Variants in POU3F3 observed in about 807,000 individuals in gnomAD.
POU3F3 encodes POU domain, class 3, transcription factor 3.
Under a neutral mutation model 8.6 loss-of-function variants are expected in POU3F3, and 1 was observed. The observed-to-expected ratio is 0.12, with a 90% confidence interval of 0.04 to 0.55. The LOEUF is 0.55. POU3F3 is among the 20% of genes least tolerant of loss of function. The pLI is 0.91. For synonymous variants in POU3F3, 418 were observed against 327.4 expected, an observed-to-expected ratio of 1.28 and a Z score of -2.99; for missense variants, 577 against 690.7, an observed-to-expected ratio of 0.84 and a Z score of 1.84.
At chr2:104,911,587 A>G in the POU3F3 span, among the ~76,000 whole-genome samples, 1 of 152,182 alleles carries the variant, frequency 6.6e-6, no homozygotes, top group Non-Finnish European at 1.5e-5. Context: ...AGCATCTCCC[A>G]GCAGGTTCAT....
At chr2:104,894,095 G>A in the POU3F3 span, among the ~76,000 whole-genome samples, 1 of 152,154 alleles carries the variant, frequency 6.6e-6, no homozygotes. Context: ...TCAGCTCCAT[G>A]GGCTTGGCCC....
the POU3F3 span, among the ~76,000 whole-genome samples, chr2:104,873,695 A>C: frequency 2.0e-4 from 31 of 152,184 alleles, no homozygotes; most frequent in Admixed American, 1.3e-4. Flanking sequence ...TGGGCGGAGG[A>C]GATCCTCTCT....
chr2:104,902,705 G>A, the POU3F3 span, among the ~76,000 whole-genome samples: 128 of 152,216 alleles, frequency 8.4e-4, no homozygotes, highest in Non-Finnish European at 7.9e-4. Context: ...GCAATCTGAA[G>A]AAATGTTAAT....
At chr2:104,911,290 T>C in the POU3F3 span, among the ~76,000 whole-genome samples, 103 of 151,738 alleles carry the variant, frequency 6.8e-4, no homozygotes, top group African/African-American at 2.3e-3. Context: ...GGCAGGCACC[T>C]GTAATCCCAG....
chr2:104,855,650 G>T lies in POU3F3; in HGVS notation c.140G>T (p.Gly47Val). 1.0e-6 allele frequency: 1 copy of T among 1,003,898 alleles called. No individual in the cohort carries two copies. Among genetic ancestry groups the T allele is most frequent in the Non-Finnish European group, 1.2e-6 (1 of 841,746 alleles). The allele number at this position is 1,003,898 out of a possible 1,614,324, so 62.2% of individuals were successfully genotyped here. A position where few individuals can be genotyped will look rare whatever the true frequency, so the allele number is the denominator to read the frequency against. Reference sequence around the variant, plus strand: ...GGCGGCGGGGGCGGCGCAGGGGGCGGGGGCGGCGGCATGCAGCCGGGCAGC... The same window carrying T: ...GGCGGCGGGGGCGGCGCAGGGGGCGTGGGCGGCGGCATGCAGCCGGGCAGC... ...GGGGGGGAGGGGGGMQPGSAA... is the reference protein window; with the variant it reads ...GGGGGGGAGGVGGGMQPGSAA... Residue 47 changes from glycine to valine, a missense_variant, in exon 1 of 1, where the codon GGG (glycine) becomes GTG (valine). This residue lies in a region of POU3F3 where 484 missense variants were observed against 422.6 expected (regional missense o/e 1.15). Coordinates refer to ENST00000361360, the MANE Select transcript of POU3F3 (RefSeq NM_006236.3).
At chr2:104,899,001 A>T in the POU3F3 span, among the ~76,000 whole-genome samples, 1 of 152,248 alleles carries the variant, frequency 6.6e-6, no homozygotes, top group African/African-American at 2.4e-5. Flanking sequence ...GAAGGAGGCC[A>T]GAGAGTATTC....
Position 104,855,905 on chromosome 2 carries a change from G to GC in POU3F3, c.400dup (p.Gln134ProfsTer506). On this transcript the variant is annotated frameshift_variant, in exon 1 of 1. Transcript: ENST00000361360. LOFTEE classifies it low-confidence loss of function (END_TRUNC). ...GGCAGCGCCGTGGGCATGGCTGGCA[G>GC]CCCCCAGCAGCCACCGCAGCCGCCG... 1 of 1,058,676 alleles carries GC rather than the reference G, an allele frequency of 9.4e-7. No homozygotes were observed. Among genetic ancestry groups the GC allele is most frequent in the Non-Finnish European group, 1.1e-6 (1 of 880,320 alleles). 65.6% of individuals were successfully genotyped at this position (1,058,676 alleles called of 1,614,324 possible).
the POU3F3 span, among the ~76,000 whole-genome samples, chr2:104,902,566 C>G: frequency 6.6e-6 from 1 of 152,134 alleles, no homozygotes. Flanking sequence ...ACTGTACAGG[C>G]TTTGCAGTTG....
At chr2:104,861,488 T>G (rs190698368), downstream of POU3F3, among the ~76,000 whole-genome samples, 1 of 152,356 alleles carries the variant, frequency 6.6e-6, no homozygotes, top group African/African-American at 2.4e-5. Flanking sequence ...GTTTCAGTGA[T>G]AACCTAATAC....
chr2:104,923,653 C>CA, the POU3F3 span, among the ~76,000 whole-genome samples: 1 of 152,056 alleles, frequency 6.6e-6, no homozygotes, highest in Admixed American at 6.6e-5. Context: ...AAACACATAG[C>CA]AAAATGACAC....
the POU3F3 span, among the ~76,000 whole-genome samples, chr2:104,918,000 T>C: frequency 6.6e-6 from 1 of 152,240 alleles, no homozygotes; most frequent in Non-Finnish European, 1.5e-5. Context: ...CCTGGAAATA[T>C]GGTCTTTATT....
At position 104,856,373 on chromosome 2, in the gene POU3F3, C is replaced by G. The variant is rs1676569031; in HGVS notation, c.863C>G (p.Ala288Gly). The change falls in exon 1 of 1, where the codon GCG becomes GGG. Residue 288 changes from alanine (A) to glycine (G), a missense_variant. By Grantham distance (60) the Ala-to-Gly change is moderately conservative. This residue lies in a region of POU3F3 where 484 missense variants were observed against 422.6 expected (regional missense o/e 1.15). Coordinates refer to ENST00000361360, the MANE Select transcript of POU3F3 (RefSeq NM_006236.3). ...CCTCACCCGCCGCACCCGCACCACG[C>G]GCAGGGACCCCCGCACCACGGCGGC... ...AHPHPPHPHH[A>G]QGPPHHGGGG... 6.5e-7 allele frequency: 1 copy of G among 1,543,360 alleles called. No individual in the cohort carries two copies. Among genetic ancestry groups the G allele is most frequent in the East Asian group, 2.4e-5 (1 of 41,070 alleles).
the POU3F3 span, among the ~76,000 whole-genome samples, chr2:104,905,455 G>T: frequency 1.3e-5 from 2 of 152,180 alleles, no homozygotes; most frequent in African/African-American, 2.4e-5. Flanking sequence ...TGTAACTGAA[G>T]AAGAGTTTTG....
rs770227812 is a variant in POU3F3, at chr2:104,857,001, G to A, written c.1491G>A (p.Thr497=). The change falls in exon 1 of 1, where the codon ACG becomes ACA. Residue 497 remains threonine (T), a synonymous_variant. Coordinates refer to ENST00000361360, the MANE Select transcript of POU3F3 (RefSeq NM_006236.3). The part of the protein sequence containing the change: ...DTPPPHHGLQ[T]SVQ The stretch of plus-strand genomic sequence containing the variant: ...CGCCGCCTCACCACGGGCTGCAGAC[G>A]AGCGTTCAGTGAAGCCAGGGCGCAG... The A allele has an allele frequency of 1.9e-6, 3 of 1,601,360 alleles. No homozygotes were observed. The highest frequency in any genetic ancestry group is 1.7e-4 in the Middle Eastern group (1 of 5,842).
At chr2:104,863,202 ATTATTC>A (rs1197357819), downstream of POU3F3, among the ~76,000 whole-genome samples, 7 of 134,320 alleles carry the variant, frequency 5.2e-5, no homozygotes, top group African/African-American at 2.0e-4. Flanking sequence ...TATTATTATT[ATTATTC>A]TGGAAACGCT....
the POU3F3 span, chr2:104,868,288 G>A: frequency 4.4e-6 from 2 of 456,698 alleles, no homozygotes; most frequent in South Asian, 3.1e-5. Flanking sequence ...GGAGCTCAGG[G>A]CCCGAGTTCA....
chr2:104,900,846 G>A, the POU3F3 span, among the ~76,000 whole-genome samples: 1 of 152,186 alleles, frequency 6.6e-6, no homozygotes, highest in Non-Finnish European at 1.5e-5. Context: ...CCGAGTGAAT[G>A]AGAGCAGTAT....
At chr2:104,923,549 A>C in the POU3F3 span, among the ~76,000 whole-genome samples, 8 of 152,160 alleles carry the variant, frequency 5.3e-5, no homozygotes, top group Non-Finnish European at 1.2e-4. Flanking sequence ...AAAGGAAATG[A>C]GAAGGGAATT....
At chr2:104,874,499 GAGA>G in the POU3F3 span, among the ~76,000 whole-genome samples, 32 of 152,198 alleles carry the variant, frequency 2.1e-4, 1 homozygote, top group Non-Finnish European at 2.9e-5. Flanking sequence ...GTGAAAGCAG[GAGA>G]AGGAGGAGAG....
Sources: gnomAD v4.1 joint callset for allele counts (sites outside exome capture counted in the v4.1 genomes callset) on GRCh38, gnomAD v4.1.1 for gene constraint, gnomAD v4.1.1 regional missense constraint, MANE v1.5 for transcripts, NCBI Gene and HGNC (gene_info 2026-07-23, HGNC 2026-07-21) for gene names.